Variants in NEBL observed in about 807,000 individuals in gnomAD.
The protein encoded by NEBL is LIM and SH3 protein 2.
A neutral mutation model predicts 140.2 loss-of-function variants in NEBL; 122 were observed. The observed-to-expected ratio is 0.87, with a 90% CI of 0.75 to 1.01. NEBL has a LOEUF of 1.01. NEBL is among the 50% of genes least tolerant of loss of function. The pLI is 0.00. For missense variants in NEBL, 1,365 were observed against 1,231.3 expected (o/e 1.11, Z -1.62); for synonymous variants, 436 against 398.9 (o/e 1.09, Z -1.11).
rs71390799 is a variant in NEBL, at chr10:20,923,666, C to CAAAAAAAAAAAAAAAAAAA, written c.357+37987_357+38005dup. ...TGCACTCCAGAGCAAGACTCCGTCT[C>CAAAAAAAAAAAAAAAAAAA]AAAAAAAAAAAAAAAAAAAAAAAAA... is the stretch of plus-strand genomic sequence containing the variant. On this transcript the variant is annotated intron_variant, in intron 4 of 6. Coordinates refer to the NEBL transcript ENST00000417816. Among the ~76,000 whole-genome samples the CAAAAAAAAAAAAAAAAAAA allele has an allele frequency of 1.8e-3, 52 of 28,362 alleles. 4 individuals are homozygous for CAAAAAAAAAAAAAAAAAAA. The highest frequency in any genetic ancestry group is 5.5e-3 in the African/African-American group (44 of 8,034). The allele number at this position is 28,362 out of a possible 152,430, so 18.6% of individuals were successfully genotyped here. A position where few individuals can be genotyped will look rare whatever the true frequency, so the allele number is the denominator to read the frequency against.
At chr10:20,885,486 A>T (rs1405524853) in intron 4 of NEBL, among the ~76,000 whole-genome samples, 1 of 152,246 alleles carries the variant, frequency 6.6e-6, no homozygotes, top group Non-Finnish European at 1.5e-5. Context: ...GTATAGGATA[A>T]CATGCTAACA....
intron 2 of NEBL, among the ~76,000 whole-genome samples, chr10:21,045,432 A>G (rs1356067428): frequency 1.3e-5 from 2 of 152,258 alleles, no homozygotes; most frequent in South Asian, 2.1e-4. Flanking sequence ...TCAAAAACTC[A>G]TAATACACCA....
chr10:20,903,011 A>G lies in NEBL; in HGVS notation c.357+58661T>C, dbSNP rs560202948. On this transcript the variant is annotated intron_variant, in intron 4 of 6. Transcript: ENST00000417816. ...TTCACGATTCCATAAACTGTTGAAA[A>G]CTGATAAGAATGAGAATGATTCTTA... 2.5e-3 allele frequency among the ~76,000 whole-genome samples: 377 copies of G among 152,318 alleles called. 2 individuals are homozygous for G. Among genetic ancestry groups the G allele is most frequent in the Non-Finnish European group, 4.2e-3 (285 of 68,030 alleles).
intron 2 of NEBL, among the ~76,000 whole-genome samples, chr10:21,031,865 T>A (rs1467821063): frequency 2.0e-5 from 3 of 152,222 alleles, no homozygotes; most frequent in Non-Finnish European, 4.4e-5. Flanking sequence ...TATAAAAAAA[T>A]TTTAAAACTC....
chr10:21,276,129 C>T (rs898838765), intron 1 of NEBL, among the ~76,000 whole-genome samples: 2 of 151,808 alleles, frequency 1.3e-5, no homozygotes, highest in Non-Finnish European at 2.9e-5. Flanking sequence ...CACAACCATG[C>T]CTGGCTAATT....
chr10:20,856,994 A>G (rs1177131804), intron 9 of NEBL, among the ~76,000 whole-genome samples: 3 of 151,934 alleles, frequency 2.0e-5, no homozygotes, highest in African/African-American at 7.3e-5. Flanking sequence ...ACGCCTAGCT[A>G]ATTTTTGTAT....
chr10:21,182,036 C>T (rs533801499), intron 3 of NEBL, among the ~76,000 whole-genome samples: 6 of 152,074 alleles, frequency 3.9e-5, no homozygotes, highest in African/African-American at 9.7e-5. Context: ...ATGGCCTAAC[C>T]GATCCAGAAT....
intron 1 of NEBL, among the ~76,000 whole-genome samples, chr10:21,268,863 G>T (rs984585041): frequency 2.0e-5 from 3 of 152,174 alleles, no homozygotes; most frequent in Admixed American, 6.5e-5. Flanking sequence ...TTGGAAACAA[G>T]AAGATAGGGT....
intron 2 of NEBL, among the ~76,000 whole-genome samples, chr10:21,152,355 G>A (rs1410287030): frequency 6.6e-6 from 1 of 152,178 alleles, no homozygotes; most frequent in African/African-American, 2.4e-5. Context: ...CATCCAATGA[G>A]CATCTCCCCA....
intron 26 of NEBL, among the ~76,000 whole-genome samples, chr10:20,806,938 G>A (rs753643832): frequency 1.3e-5 from 2 of 152,070 alleles, no homozygotes; most frequent in African/African-American, 2.4e-5. Context: ...ATTTGCTTTG[G>A]GTTTTATTTA....
chr10:20,949,692 T>A (rs1470365493), intron 4 of NEBL, among the ~76,000 whole-genome samples: 1 of 152,206 alleles, frequency 6.6e-6, no homozygotes, highest in Non-Finnish European at 1.5e-5. Context: ...ACTTGAACAT[T>A]TGCAATGTTT....
chr10:21,156,843 C>T lies in NEBL; in HGVS notation c.164+15540G>A, dbSNP rs185208953. 2.3e-4 allele frequency among the ~76,000 whole-genome samples: 35 copies of T among 152,314 alleles called. 1 individual carries two copies. The highest frequency in any genetic ancestry group is 2.2e-3 in the Admixed American group (33 of 15,308). Reference sequence around the variant, plus strand: ...ATAAATCTTCACACTAGAATCTCTACATTGAACTACAGCCAAGGTCACAAT... The same window carrying T: ...ATAAATCTTCACACTAGAATCTCTATATTGAACTACAGCCAAGGTCACAAT... On this transcript the variant is annotated intron_variant, in intron 2 of 6. Coordinates refer to the NEBL transcript ENST00000417816.
intron 4 of NEBL, among the ~76,000 whole-genome samples, chr10:20,954,974 A>C (rs987357563): frequency 1.3e-5 from 2 of 152,210 alleles, no homozygotes; most frequent in African/African-American, 4.8e-5. Context: ...TCCAGGCAAA[A>C]GATTTTACAT....
At chr10:21,133,134 A>AT (rs1469432006) in intron 2 of NEBL, among the ~76,000 whole-genome samples, 3 of 152,038 alleles carry the variant, frequency 2.0e-5, no homozygotes, top group African/African-American at 7.2e-5. Flanking sequence ...TTTTGAGTTA[A>AT]TTTTGTATGT....
At chr10:21,157,530 T>A (rs2132143859) in intron 2 of NEBL, among the ~76,000 whole-genome samples, 1 of 152,240 alleles carries the variant, frequency 6.6e-6, no homozygotes, top group South Asian at 2.1e-4. Context: ...GAGATGGTGC[T>A]ACTGTACTCT....
At chr10:20,814,617 TACAC>T (rs3990287) in intron 22 of NEBL, among the ~76,000 whole-genome samples, 3 of 146,418 alleles carry the variant, frequency 2.0e-5, no homozygotes, top group African/African-American at 2.6e-5. Flanking sequence ...CATACACACA[TACAC>T]ACACACACAC....
intron 2 of NEBL, among the ~76,000 whole-genome samples, chr10:21,035,969 C>A (rs1302258529): frequency 6.6e-6 from 1 of 151,940 alleles, no homozygotes; most frequent in Non-Finnish European, 1.5e-5. Flanking sequence ...TCGAGACAAG[C>A]CTGGCCAACA....
At chr10:20,788,550 G>T (rs1001512776) in intron 26 of NEBL, among the ~76,000 whole-genome samples, 1 of 152,052 alleles carries the variant, frequency 6.6e-6, no homozygotes, top group African/African-American at 2.4e-5. Flanking sequence ...AATTATATTA[G>T]ATTGAAAGGG....
chr10:20,823,317 A>G lies in NEBL; in HGVS notation c.1870-17T>C. 2 of 1,550,704 alleles carry G rather than the reference A, an allele frequency of 1.3e-6. No homozygotes were observed. The highest frequency in any genetic ancestry group is 2.7e-5 in the African/African-American group (2 of 73,590). ...GTATTTCACCTGCATAATTTATAAG[A>G]ATATAACGTTAACTTTATTCTATGC... On this transcript the variant is annotated splice_polypyrimidine_tract_variant and intron_variant, in intron 18 of 27. Transcript: ENST00000377122.
Sources: allele counts gnomAD v4.1 joint callset (sites outside exome capture counted in the v4.1 genomes callset), GRCh38; gene constraint gnomAD v4.1.1; transcripts MANE v1.5; gene names NCBI Gene and HGNC (gene_info 2026-07-23, HGNC 2026-07-21).